Variants in WWOX observed in about 807,000 individuals in gnomAD.
The protein encoded by WWOX is WW domain-containing oxidoreductase.
Under a neutral mutation model 46.2 loss-of-function variants are expected in WWOX, and 69 were observed. The observed-to-expected ratio is 1.49, with a 90% CI of 1.23 to 1.82. The LOEUF is 1.82. Among genes scored for constraint, WWOX ranks in the 40% most tolerant of loss-of-function variants. WWOX has a pLI of 0.00. For synonymous variants in WWOX, 359 were observed against 202.6 expected, an observed-to-expected ratio of 1.77 and a Z score of -6.56; for missense variants, 919 against 542.6, an observed-to-expected ratio of 1.69 and a Z score of -6.89.
chr16:78,220,688 C>T (rs1452928785), intron 5 of WWOX, among the ~76,000 whole-genome samples: 1 of 152,108 alleles, frequency 6.6e-6, no homozygotes, highest in Non-Finnish European at 1.5e-5. Flanking sequence ...ATTTACTTTT[C>T]TTTTAATGTG....
At chr16:78,453,275 T>G (rs2083735550) in intron 8 of WWOX, among the ~76,000 whole-genome samples, 2 of 151,774 alleles carry the variant, frequency 1.3e-5, no homozygotes. Flanking sequence ...AGTACAGAAA[T>G]TAGTTGGGCA....
chr16:78,292,399 T>G (rs907710060), intron 5 of WWOX, among the ~76,000 whole-genome samples: 2 of 152,214 alleles, frequency 1.3e-5, no homozygotes, highest in African/African-American at 2.4e-5. Flanking sequence ...CAAATCTGTT[T>G]CCAAACATGT....
chr16:78,393,761 G>T (rs1335701783), intron 6 of WWOX, among the ~76,000 whole-genome samples: 1 of 151,752 alleles, frequency 6.6e-6, no homozygotes, highest in Non-Finnish European at 1.5e-5. Flanking sequence ...TGTCTCTTCT[G>T]AACTTTCTGT....
intron 8 of WWOX, among the ~76,000 whole-genome samples, chr16:78,712,693 G>A (rs2048468594): frequency 6.6e-6 from 1 of 152,004 alleles, no homozygotes; most frequent in Admixed American, 6.6e-5. Flanking sequence ...ATTTTTTAAA[G>A]TATAATAATA....
intron 8 of WWOX, among the ~76,000 whole-genome samples, chr16:78,442,771 G>C (rs1180574260): frequency 6.6e-6 from 1 of 151,678 alleles, no homozygotes; most frequent in Non-Finnish European, 1.5e-5. Context: ...CCTGAGGTTG[G>C]GAGTTCGAGA....
chr16:78,710,599 A>G (rs1016150089), intron 8 of WWOX, among the ~76,000 whole-genome samples: 3 of 146,918 alleles, frequency 2.0e-5, no homozygotes, highest in African/African-American at 7.5e-5. Flanking sequence ...ATATAAATAT[A>G]TACATATATG....
chr16:78,369,900 A>C (rs1436653875), intron 5 of WWOX, among the ~76,000 whole-genome samples: 1 of 151,996 alleles, frequency 6.6e-6, no homozygotes, highest in African/African-American at 2.4e-5. Flanking sequence ...TGGGAGGCCG[A>C]GGCGGGAGGA....
chr16:78,314,689 TTTTTTTTTTTTG>T (rs1441137095), intron 5 of WWOX, among the ~76,000 whole-genome samples: 3 of 53,156 alleles, frequency 5.6e-5, no homozygotes, highest in South Asian at 8.4e-4. Flanking sequence ...CCTGCAGGGG[TTTTTTTTTTTTG>T]TTTTTTTTTT....
At chr16:78,585,395 CACTT>C (rs1171124805) in intron 8 of WWOX, among the ~76,000 whole-genome samples, 1 of 152,166 alleles carries the variant, frequency 6.6e-6, no homozygotes, top group Admixed American at 6.5e-5. Context: ...GGGGATCGGC[CACTT>C]ACTTGTGGGG....
intron 8 of WWOX, among the ~76,000 whole-genome samples, chr16:79,079,009 A>G (rs1022941173): frequency 6.6e-6 from 1 of 152,232 alleles, no homozygotes; most frequent in Non-Finnish European, 1.5e-5. Context: ...GCTAAAATAT[A>G]ATACATTTGA....
chr16:78,550,182 A>T (rs2044141478), intron 8 of WWOX, among the ~76,000 whole-genome samples: 1 of 152,262 alleles, frequency 6.6e-6, no homozygotes, highest in East Asian at 1.9e-4. Flanking sequence ...TATTGTCATT[A>T]AAAGTTCTCA....
In WWOX at chr16:78,254,502, G is replaced by GT. The variant is rs59706959; in HGVS notation, c.516+90230dup. On this transcript the variant is annotated intron_variant, in intron 5 of 8. Transcript: ENST00000566780. ...CACTTTTCTTTTTCTTTTCTTTCTTGTTTTTTTTTTTTTTTTTGTTTGACA... is the reference window on the plus strand; with the variant it reads ...CACTTTTCTTTTTCTTTTCTTTCTTGTTTTTTTTTTTTTTTTTTGTTTGACA... Among the ~76,000 whole-genome samples the GT allele has an allele frequency of 4.3e-3, 391 of 91,628 alleles. 6 individuals are homozygous for GT. Among genetic ancestry groups the GT allele is most frequent in the African/African-American group, 0.014 (278 of 19,282 alleles). 60.1% of individuals were successfully genotyped at this position (91,628 alleles called of 152,430 possible). A position where few individuals can be genotyped will look rare whatever the true frequency, so the allele number is the denominator to read the frequency against.
chr16:79,109,673 G>A (rs1026522108), intron 8 of WWOX, among the ~76,000 whole-genome samples: 1 of 152,118 alleles, frequency 6.6e-6, no homozygotes, highest in African/African-American at 2.4e-5. Context: ...TCCAAGTTTG[G>A]TGTTCATTAT....
chr16:79,142,133 AT>A (rs1184059560), intron 8 of WWOX, among the ~76,000 whole-genome samples: 1 of 152,096 alleles, frequency 6.6e-6, no homozygotes, highest in Non-Finnish European at 1.5e-5. Flanking sequence ...TTTCACAGAT[AT>A]TTAGTGAGTC....
chr16:79,139,488 GC>G (rs2050046429), intron 8 of WWOX, among the ~76,000 whole-genome samples: 1 of 152,048 alleles, frequency 6.6e-6, no homozygotes, highest in South Asian at 2.1e-4. Flanking sequence ...TGAAATTTTT[GC>G]AAAAAGATTT....
chr16:78,511,812 T>C (rs1242778361), intron 8 of WWOX, among the ~76,000 whole-genome samples: 1 of 152,206 alleles, frequency 6.6e-6, no homozygotes, highest in East Asian at 1.9e-4. Flanking sequence ...AGACATGGGA[T>C]GGCTTTTGTC....
rs1183228214 is a variant in WWOX at position 78,358,901 on chromosome 16, G to A, written c.517-27959G>A. ...TTTTTTTTTAACCAGACATATAGTGGCCATGTTTCTATGTCAATACATACT... is the reference window on the plus strand; with the variant it reads ...TTTTTTTTTAACCAGACATATAGTGACCATGTTTCTATGTCAATACATACT... On this transcript the variant is annotated intron_variant, in intron 5 of 8. Coordinates refer to ENST00000566780, the MANE Select transcript of WWOX (RefSeq NM_016373.4). Among the ~76,000 whole-genome samples, 2 of 128,986 alleles carry A rather than the reference G, an allele frequency of 1.6e-5. 1 individual carries two copies. Among genetic ancestry groups the A allele is most frequent in the Admixed American group, 1.7e-4 (2 of 11,436 alleles). The allele number at this position is 128,986 out of a possible 152,430, so 84.6% of individuals were successfully genotyped here. A position where few individuals can be genotyped will look rare whatever the true frequency, so the allele number is the denominator to read the frequency against.
intron 8 of WWOX, among the ~76,000 whole-genome samples, chr16:78,719,556 A>AGG (rs1193189724): frequency 1.3e-5 from 2 of 152,216 alleles, no homozygotes; most frequent in Non-Finnish European, 2.9e-5. Context: ...AAGAAGGAGA[A>AGG]GGGGGACTTT....
intron 8 of WWOX, among the ~76,000 whole-genome samples, chr16:78,828,605 A>G (rs1229231152): frequency 6.6e-6 from 1 of 152,110 alleles, no homozygotes; most frequent in African/African-American, 2.4e-5. Flanking sequence ...TCTATCGGAC[A>G]CATGTCCTAA....
Sources: gnomAD v4.1 joint callset for allele counts (sites outside exome capture counted in the v4.1 genomes callset) on GRCh38, gnomAD v4.1.1 for gene constraint, MANE v1.5 for transcripts, NCBI Gene and HGNC (gene_info 2026-07-23, HGNC 2026-07-21) for gene names.